The following SMG7 variants were observed in gnomAD, a reference collection of about 807,000 sequenced individuals.
SMG7 encodes the protein nonsense-mediated mRNA decay factor SMG7.
A neutral mutation model predicts 148.2 loss-of-function variants in SMG7; 34 were observed. The ratio of observed to expected loss-of-function variants is 0.23; its 90% CI spans 0.17 to 0.31. The LOEUF is 0.31. Ranked by LOEUF, SMG7 falls within the 10% of genes least tolerant of loss-of-function variation. The pLI is 1.00. For missense variants in SMG7, 1,114 were observed against 1,408.4 expected, an observed-to-expected ratio of 0.79 and a Z score of 3.35; for synonymous variants, 492 against 515.1, an observed-to-expected ratio of 0.96 and a Z score of 0.61.
At chr1:183,505,676 C>T (rs557554541) in intron 1 of SMG7, among the ~76,000 whole-genome samples, 70 of 152,356 alleles carry the variant, frequency 4.6e-4, no homozygotes, top group Non-Finnish European at 8.2e-4. Context: ...ACAGCTGCTA[C>T]GGTCAAGGCA....
In SMG7 at chr1:183,545,106, C is replaced by T. The variant is rs1296890979; in HGVS notation, c.2164C>T (p.Arg722Trp). Residue 722 changes from arginine to tryptophan, a missense_variant, in exon 16 of 23, where the codon CGG becomes TGG. By Grantham distance (101) the Arg-to-Trp change is moderately radical. Around this residue, in one of 4 missense-constraint regions of SMG7, gnomAD observed 788 missense variants for 894.5 expected, o/e 0.88. Coordinates refer to ENST00000688051, the MANE Select transcript of SMG7 (RefSeq NM_001375584.1). ...KQSHIPYSQQ[R>W]PSGPGPMNQG... ...GTCCCACATTCCTTACAGCCAGCAA[C>T]GGCCCTCTGGACCAGGGCCAATGAA... 4.3e-6 allele frequency: 7 copies of T among 1,613,942 alleles called. No individual in the cohort carries two copies. The highest frequency in any genetic ancestry group is 1.3e-5 in the African/African-American group (1 of 74,900).
chr1:183,516,605 C>T (rs1663603700), intron 3 of SMG7, among the ~76,000 whole-genome samples: 1 of 152,170 alleles, frequency 6.6e-6, no homozygotes, highest in African/African-American at 2.4e-5. Flanking sequence ...GGAACAGGGA[C>T]ATTAGCCTGA....
In SMG7 at chr1:183,472,648, C is replaced by T. The variant is rs1650934062; in HGVS notation, c.28C>T (p.Arg10Trp). 1 of 1,471,116 alleles carries T rather than the reference C, an allele frequency of 6.8e-7. No individual in the cohort carries two copies. The highest frequency in any genetic ancestry group is 9.1e-7 in the Non-Finnish European group (1 of 1,102,298). 91.1% of individuals were successfully genotyped at this position (1,471,116 alleles called of 1,614,324 possible). A position where few individuals can be genotyped will look rare whatever the true frequency, so the allele number is the denominator to read the frequency against. Residue 10 changes from arginine (R) to tryptophan (W), a missense_variant and splice_region_variant, in exon 1 of 23, where the codon CGG becomes TGG. By Grantham distance (101) the Arg-to-Trp change is moderately radical. Around this residue, in one of 4 missense-constraint regions of SMG7, gnomAD observed 216 missense variants for 329.1 expected, o/e 0.66. Coordinates refer to ENST00000688051, the MANE Select transcript of SMG7 (RefSeq NM_001375584.1). ...GAGCCTGCAGAGCGCGCAGTACCTCCGGTGAGTGCCGAGGCCGGGCTGGTA... is the reference window on the plus strand; with the variant it reads ...GAGCCTGCAGAGCGCGCAGTACCTCTGGTGAGTGCCGAGGCCGGGCTGGTA... MSLQSAQYL[R>W]QAEVLKADMT...
intron 1 of SMG7, among the ~76,000 whole-genome samples, chr1:183,505,753 C>G (rs906656508): frequency 6.6e-6 from 1 of 152,228 alleles, no homozygotes; most frequent in African/African-American, 2.4e-5. Context: ...TTCTCATATA[C>G]CCAGCTGGCC....
At chr1:183,545,375 A>T in intron 16 of SMG7, 63 bp downstream of exon 16, 1 of 1,523,006 alleles carries the variant, frequency 6.6e-7, no homozygotes, top group Non-Finnish European at 8.9e-7. Context: ...GAAAGATTCA[A>T]TGTTAGAAAT....
chr1:183,523,915 CTTTTGTT>C (rs893733051), intron 4 of SMG7, among the ~76,000 whole-genome samples: 1 of 150,644 alleles, frequency 6.6e-6, no homozygotes, highest in South Asian at 2.1e-4. Flanking sequence ...TAGTTATCCA[CTTTTGTT>C]TTTTGTTTTT....
At chr1:183,548,247 C>T (rs1462995478) in intron 18 of SMG7, among the ~76,000 whole-genome samples, 1 of 152,146 alleles carries the variant, frequency 6.6e-6, no homozygotes, top group Non-Finnish European at 1.5e-5. Context: ...AATAAAAGAT[C>T]CCCCTGGAGA....
At chr1:183,491,977 C>T (rs1041583540) in intron 1 of SMG7, among the ~76,000 whole-genome samples, 1 of 152,166 alleles carries the variant, frequency 6.6e-6, no homozygotes, top group African/African-American at 2.4e-5. Flanking sequence ...CCAGCCCTTT[C>T]GTATGGCACT....
At chr1:183,477,398 TTGTGTG>T (rs143157038) in intron 1 of SMG7, among the ~76,000 whole-genome samples, 23 of 132,960 alleles carry the variant, frequency 1.7e-4, no homozygotes, top group African/African-American at 4.9e-4. Flanking sequence ...CTGTTTTGTT[TTGTGTG>T]TGTGTGTGTG....
chr1:183,480,726 C>T (rs977962157), intron 1 of SMG7, among the ~76,000 whole-genome samples: 1 of 152,196 alleles, frequency 6.6e-6, no homozygotes, highest in Non-Finnish European at 1.5e-5. Context: ...ACAGGGTGTT[C>T]TGAGCTCTGT....
chr1:183,495,871 GA>G (rs778006636), intron 1 of SMG7, among the ~76,000 whole-genome samples: 253 of 135,208 alleles, frequency 1.9e-3, no homozygotes, highest in Middle Eastern at 3.8e-3. Flanking sequence ...TTTCTCAATG[GA>G]AAAAAAAAAA....
intron 1 of SMG7, among the ~76,000 whole-genome samples, chr1:183,507,099 G>A (rs1232007551): frequency 6.6e-6 from 1 of 151,964 alleles, no homozygotes; most frequent in African/African-American, 2.4e-5. Flanking sequence ...GGCTGGTCTT[G>A]AACTCATGAC....
Position 183,538,421 on chromosome 1 carries a change from G to T in SMG7, c.1276G>T (p.Ala426Ser), listed in dbSNP as rs1359330988. Reference protein sequence around the residue: ...PEEFELQGFLALRPSFRNLDF... With the variant: ...PEEFELQGFLSLRPSFRNLDF... Reference sequence around the variant, plus strand: ...GGAGTTTGAATTACAAGGATTTTTGGCATTGAGACCTTCTTTCAGGTAGGT... The same window carrying T: ...GGAGTTTGAATTACAAGGATTTTTGTCATTGAGACCTTCTTTCAGGTAGGT... Residue 426 changes from alanine (A) to serine (S), a missense_variant, in exon 12 of 23, where the codon GCA (alanine) becomes TCA (serine). Transcript: ENST00000688051. 6.2e-7 allele frequency: 1 copy of T among 1,612,300 alleles called. No individual in the cohort carries two copies. The highest frequency in any genetic ancestry group is 8.5e-7 in the Non-Finnish European group (1 of 1,178,464).
chr1:183,533,473 A>G, intron 9 of SMG7, 147 bp downstream of exon 9: 5 of 976,316 alleles, frequency 5.1e-6, no homozygotes, highest in Non-Finnish European at 6.1e-6. Flanking sequence ...TTCAACCCCA[A>G]GTTCTATCCT....
At chr1:183,507,129 T>G (rs1237097001) in intron 1 of SMG7, among the ~76,000 whole-genome samples, 2 of 152,160 alleles carry the variant, frequency 1.3e-5, no homozygotes, top group Admixed American at 1.3e-4. Flanking sequence ...TCTGCCCACC[T>G]CAGCCTCCCA....
chr1:183,477,367 C>G (rs1652495576), intron 1 of SMG7, among the ~76,000 whole-genome samples: 1 of 151,926 alleles, frequency 6.6e-6, no homozygotes, highest in Admixed American at 6.6e-5. Context: ...GACTCCTTTA[C>G]AGGAAAGGTC....
In SMG7 at chr1:183,514,044, A is replaced by T. The variant is rs139203114; in HGVS notation, c.61+1176A>T. 6.4e-3 allele frequency among the ~76,000 whole-genome samples: 971 copies of T among 151,568 alleles called. 23 individuals carry two copies. The highest frequency in any genetic ancestry group is 0.054 in the East Asian group (278 of 5,142). The stretch of plus-strand genomic sequence containing the variant: ...GACTCCGTCTCAAAAAAAAAAAAAA[A>T]AAAAAAGAGTAAATGATTTAAATAC... On this transcript the variant is annotated intron_variant, in intron 2 of 22. Transcript: ENST00000688051.
Position 183,528,035 on chromosome 1 carries a change from G to A in SMG7, c.556+8G>A. 2 of 1,606,174 alleles carry A rather than the reference G, an allele frequency of 1.2e-6. No homozygotes were observed. The highest frequency in any genetic ancestry group is 1.3e-5 in the African/African-American group (1 of 74,786). ...AGCTTGTCCCCTCCAATGGTGAGTG[G>A]ACCTGTCAACCTGAGATTGACCGTG... On this transcript the variant is annotated splice_region_variant and intron_variant, in intron 6 of 22. Coordinates refer to ENST00000688051, the MANE Select transcript of SMG7 (RefSeq NM_001375584.1).
chr1:183,550,785 C>G lies in SMG7; in HGVS notation c.3168C>G (p.Ser1056=), dbSNP rs747124350. 1.2e-6 allele frequency: 2 copies of G among 1,614,086 alleles called. No individual in the cohort carries two copies. Among genetic ancestry groups the G allele is most frequent in the Non-Finnish European group, 1.7e-6 (2 of 1,179,980 alleles). Residue 1056 remains serine, a synonymous_variant, in exon 21 of 23, where the codon TCC becomes TCG. Coordinates refer to ENST00000688051, the MANE Select transcript of SMG7 (RefSeq NM_001375584.1). ...HSTPASQSPH[S]SNPSSLPSSP... Reference sequence around the variant, plus strand: ...CACCAGCCAGCCAGTCTCCTCATTCCTCTAACCCAAGCAGCCTACCCAGCT... The same window carrying G: ...CACCAGCCAGCCAGTCTCCTCATTCGTCTAACCCAAGCAGCCTACCCAGCT...
Sources: gnomAD v4.1 joint callset for allele counts (sites outside exome capture counted in the v4.1 genomes callset) on GRCh38, gnomAD v4.1.1 for gene constraint, gnomAD v4.1.1 regional missense constraint, MANE v1.5 for transcripts, NCBI Gene and HGNC (gene_info 2026-07-23, HGNC 2026-07-21) for gene names.